Variants in SH2B3 observed in about 807,000 individuals in gnomAD.
SH2B3 encodes the protein SH2B adaptor protein 3.
SH2B3 carries 43 observed loss-of-function variants against 51.9 expected under a neutral mutation model. The ratio of observed to expected loss-of-function variants is 0.83; its 90% CI spans 0.65 to 1.07. The LOEUF is 1.07. Among genes scored for constraint, SH2B3 ranks in the 50% least tolerant of loss-of-function variants. The pLI is 0.00. For synonymous variants in SH2B3, 396 were observed against 376.0 expected, an observed-to-expected ratio of 1.05 and a Z score of -0.62; for missense variants, 952 against 834.3, an observed-to-expected ratio of 1.14 and a Z score of -1.74.
intron 7 of SH2B3, 44 bp from the exon 8 acceptor site, chr12:111,447,939 G>A: frequency 6.4e-7 from 1 of 1,554,266 alleles, no homozygotes; most frequent in Non-Finnish European, 8.8e-7. Flanking sequence ...GTCAGCACTT[G>A]CCTCAAGACT....
intron 2 of SH2B3, among the ~76,000 whole-genome samples, chr12:111,440,708 G>C (rs575072413): frequency 6.6e-6 from 1 of 152,196 alleles, no homozygotes; most frequent in Non-Finnish European, 1.5e-5. Context: ...AGAATATTCA[G>C]CAAACGCTAC....
In SH2B3 at chr12:111,410,160, G is replaced by A. The variant is rs148225260; in HGVS notation, c.-28+3883G>A. ...TCCTCACAGGGGCTGACTCACAGGC[G>A]CCCAATGGGGGGCCCCAGCTGGGAG... On this transcript the variant is annotated intron_variant, in intron 1 of 7. Transcript: ENST00000341259. This position sits in a 1 kb window ranked among gnomAD's most constrained non-coding sequence, Gnocchi z 4.9. Among the ~76,000 whole-genome samples, 364 of 152,286 alleles carry A rather than the reference G, an allele frequency of 2.4e-3. 3 individuals carry two copies. The highest frequency in any genetic ancestry group is 3.4e-3 in the Middle Eastern group (1 of 294).
chr12:111,431,312 A>G (rs1872474971), intron 2 of SH2B3, among the ~76,000 whole-genome samples: 1 of 152,122 alleles, frequency 6.6e-6, no homozygotes, highest in African/African-American at 2.4e-5. Flanking sequence ...CTGTAGGAGG[A>G]GAGAGAAACC....
At chr12:111,426,821 A>C (rs985254400) in intron 2 of SH2B3, among the ~76,000 whole-genome samples, 3 of 152,122 alleles carry the variant, frequency 2.0e-5, no homozygotes, top group Non-Finnish European at 2.9e-5. Flanking sequence ...CACTGGGAGA[A>C]GCAAAGAGAC....
In SH2B3 at chr12:111,418,839, G is replaced by C. The variant is rs937252382; in HGVS notation, c.694G>C (p.Gly232Arg). ...LALRRAPGPD[G>R]PDRVLELFDP... ...GCTGCGCCGGGCCCCGGGCCCCGATGGCCCCGACCGCGTGCTGGAGCTCTT... is the reference window on the plus strand; with the variant it reads ...GCTGCGCCGGGCCCCGGGCCCCGATCGCCCCGACCGCGTGCTGGAGCTCTT... Residue 232 changes from glycine (G) to arginine (R), a missense_variant, in exon 2 of 8, where the codon GGC becomes CGC. Transcript: ENST00000341259. The surrounding 1 kb of genome is among the most constrained non-coding windows in gnomAD (Gnocchi z 6.7). 22 of 1,418,888 alleles carry C rather than the reference G, an allele frequency of 1.6e-5. No homozygotes were observed. The highest frequency in any genetic ancestry group is 4.5e-5 in the South Asian group (3 of 67,014). 87.9% of individuals were successfully genotyped at this position (1,418,888 alleles called of 1,614,324 possible).
At chr12:111,431,135 T>C (rs1872456803) in intron 2 of SH2B3, among the ~76,000 whole-genome samples, 1 of 152,274 alleles carries the variant, frequency 6.6e-6, no homozygotes, top group South Asian at 2.1e-4. Context: ...GAGGAGGCTG[T>C]GGCCCCCGCC....
rs1271304589 is a variant in SH2B3, at chr12:111,429,027, GGAGGAGGAGGAGGAGGAGGAA to G, written c.732+10171_732+10191del. Among the ~76,000 whole-genome samples, 1,026 of 149,952 alleles carry G rather than the reference GGAGGAGGAGGAGGAGGAGGAA, an allele frequency of 6.8e-3. 15 individuals carry two copies. The highest frequency in any genetic ancestry group is 0.033 in the Admixed American group (498 of 15,114). The stretch of plus-strand genomic sequence containing the variant: ...CGGGGCAGGAGTGCGAGGAGGAGGA[GGAGGAGGAGGAGGAGGAGGAA>G]GAGGAGGAGGAGGAGGAGGAGGGAC... On this transcript the variant is annotated intron_variant, in intron 2 of 7. Coordinates refer to ENST00000341259, the MANE Select transcript of SH2B3 (RefSeq NM_005475.3). This position sits in a 1 kb window ranked among gnomAD's most constrained non-coding sequence, Gnocchi z 4.4.
Position 111,435,111 on chromosome 12 carries a change from G to A in SH2B3, c.733-11642G>A, listed in dbSNP as rs774985917. Reference sequence around the variant, plus strand: ...CTCCTCTGGTGCACTCTCCCCACCCGAGACGGGCGACAGAGGTTTTTTGTT... The same window carrying A: ...CTCCTCTGGTGCACTCTCCCCACCCAAGACGGGCGACAGAGGTTTTTTGTT... On this transcript the variant is annotated intron_variant, in intron 2 of 7. Transcript: ENST00000341259. The surrounding 1 kb of genome is among the most constrained non-coding windows in gnomAD (Gnocchi z 4.8). 16 of 1,107,530 alleles carry A rather than the reference G, an allele frequency of 1.4e-5. No homozygotes were observed. Among genetic ancestry groups the A allele is most frequent in the South Asian group, 4.3e-5 (3 of 69,746 alleles). The allele number at this position is 1,107,530 out of a possible 1,614,324, so 68.6% of individuals were successfully genotyped here.
At chr12:111,419,772 G>T (rs866658235) in intron 2 of SH2B3, among the ~76,000 whole-genome samples, 1 of 152,200 alleles carries the variant, frequency 6.6e-6, no homozygotes, top group African/African-American at 2.4e-5. Context: ...GAACCAGCAC[G>T]GGTACATCAC....
chr12:111,405,930 G>A lies in SH2B3; in HGVS notation c.-375G>A, dbSNP rs959781377. Reference sequence around the variant, plus strand: ...CACGGCCGGTTCCTCTTTACATAACGGCGCGGGGCGGCATGGGCCCGGGCC... The same window carrying A: ...CACGGCCGGTTCCTCTTTACATAACAGCGCGGGGCGGCATGGGCCCGGGCC... On this transcript the variant is annotated 5_prime_UTR_variant, in exon 1 of 8. Coordinates refer to ENST00000341259, the MANE Select transcript of SH2B3 (RefSeq NM_005475.3). The surrounding 1 kb of genome is among the most constrained non-coding windows in gnomAD (Gnocchi z 5.4). 2 of 151,730 alleles carry A rather than the reference G, an allele frequency of 1.3e-5. No homozygotes were observed. The highest frequency in any genetic ancestry group is 2.4e-5 in the African/African-American group (1 of 41,378). The allele number at this position is 151,730 out of a possible 1,614,324, so 9.4% of individuals were successfully genotyped here.
intron 2 of SH2B3, among the ~76,000 whole-genome samples, chr12:111,431,267 G>A (rs961706199): frequency 4.0e-5 from 6 of 150,472 alleles, no homozygotes; most frequent in African/African-American, 1.2e-4. Context: ...TGCCTGACTC[G>A]AACCCCAACC....
In SH2B3 at chr12:111,447,972, A is replaced by C. The variant is rs1390207403; in HGVS notation, c.1409-11A>C. The C allele has an allele frequency of 1.9e-6, 3 of 1,595,330 alleles. No homozygotes were observed. The highest frequency in any genetic ancestry group is 2.6e-6 in the Non-Finnish European group (3 of 1,168,056). ...ACTGATGGTGTGGTCTCTCTTGGTC[A>C]CTTGTCCTAGGTTCCTGCAACACGG... is the stretch of plus-strand genomic sequence containing the variant. On this transcript the variant is annotated splice_polypyrimidine_tract_variant and intron_variant, in intron 7 of 7. Coordinates refer to ENST00000341259, the MANE Select transcript of SH2B3 (RefSeq NM_005475.3).
At chr12:111,412,826 C>T (rs1465989595) in intron 1 of SH2B3, among the ~76,000 whole-genome samples, 6 of 152,174 alleles carry the variant, frequency 3.9e-5, no homozygotes. Flanking sequence ...CCGCCTTGGC[C>T]TCCCGAGGTA....
At position 111,410,439 on chromosome 12, in the gene SH2B3, G is replaced by A. The variant is rs1218208093; in HGVS notation, c.-28+4162G>A. 6.6e-6 allele frequency among the ~76,000 whole-genome samples: 1 copy of A among 152,204 alleles called. No individual in the cohort carries two copies. Among genetic ancestry groups the A allele is most frequent in the Non-Finnish European group, 1.5e-5 (1 of 68,030 alleles). On this transcript the variant is annotated intron_variant, in intron 1 of 7. Transcript: ENST00000341259. The surrounding 1 kb of genome is among the most constrained non-coding windows in gnomAD (Gnocchi z 4.9). ...CCTGTCTGCCCTCAACCCAGAGGCA[G>A]TGAAAGGAAGAAGCCACGGCCTTGG...
rs1047934034 is a variant in SH2B3 at position 111,409,939 on chromosome 12, TAGA to T, written c.-28+3666_-28+3668del. On this transcript the variant is annotated intron_variant, in intron 1 of 7. Transcript: ENST00000341259. This position sits in a 1 kb window ranked among gnomAD's most constrained non-coding sequence, Gnocchi z 4.0. ...GAAACCCGGCAGCTGAGCAGTTAGA[TAGA>T]AGATTTTTCCTCCCACGCCACCCTG... Among the ~76,000 whole-genome samples, 1 of 152,090 alleles carries T rather than the reference TAGA, an allele frequency of 6.6e-6. No individual in the cohort carries two copies. The highest frequency in any genetic ancestry group is 1.5e-5 in the Non-Finnish European group (1 of 68,004).
intron 2 of SH2B3, among the ~76,000 whole-genome samples, chr12:111,439,142 T>G (rs1045466800): frequency 7.2e-5 from 11 of 152,044 alleles, no homozygotes; most frequent in Non-Finnish European, 1.5e-4. Context: ...CCGACTAATT[T>G]TTGTATTTTT....
intron 2 of SH2B3, among the ~76,000 whole-genome samples, chr12:111,437,942 G>A (rs919523163): frequency 6.6e-6 from 1 of 152,176 alleles, no homozygotes; most frequent in African/African-American, 2.4e-5. Flanking sequence ...AAGGTTTGGT[G>A]CCCACCCCAA....
chr12:111,422,163 T>G (rs1048344908), intron 2 of SH2B3, among the ~76,000 whole-genome samples: 3 of 152,270 alleles, frequency 2.0e-5, no homozygotes, highest in African/African-American at 7.2e-5. Flanking sequence ...CACTGCAACC[T>G]CCGTCTCCTG....
Position 111,446,775 on chromosome 12 carries a change from CA to C in SH2B3, c.756del (p.Ala253LeufsTer25). 1 of 1,551,420 alleles carries C rather than the reference CA, an allele frequency of 6.4e-7. No individual in the cohort carries two copies. The highest frequency in any genetic ancestry group is 8.7e-7 in the Non-Finnish European group (1 of 1,146,298). On this transcript the variant is annotated frameshift_variant, in exon 3 of 8. Transcript: ENST00000341259. LOFTEE classifies it high-confidence loss of function. Reference sequence around the variant, plus strand: ...TAGAGTTCAAGGCCCAAGCTACAAGCAGCTTGCTCCAGCATCCAGGAGGTCC... The same window carrying C: ...TAGAGTTCAAGGCCCAAGCTACAAGCGCTTGCTCCAGCATCCAGGAGGTCC... ...PPKSSRPKLQ[A>X]ACSSIQEVRW...
Sources: gnomAD v4.1 joint callset for allele counts (sites outside exome capture counted in the v4.1 genomes callset) on GRCh38, gnomAD v4.1.1 for gene constraint, Gnocchi (gnomAD v3.1) non-coding constraint, MANE v1.5 for transcripts, NCBI Gene and HGNC (gene_info 2026-07-23, HGNC 2026-07-21) for gene names.